The following MYT1L variants were observed in gnomAD, a reference collection of about 807,000 sequenced individuals.
MYT1L encodes myelin transcription factor 1-like protein.
Under a neutral mutation model 126.7 loss-of-function variants are expected in MYT1L, and 12 were observed. The ratio of observed to expected loss-of-function variants is 0.09; its 90% confidence interval spans 0.06 to 0.15. MYT1L has a LOEUF of 0.15. Among genes scored for constraint, MYT1L ranks in the 10% least tolerant of loss-of-function variants. The pLI, the probability that MYT1L is intolerant of heterozygous loss-of-function variation, is 1.00. For missense variants in MYT1L, 979 were observed against 1,585.2 expected (o/e 0.62, Z 6.49); for synonymous variants, 541 against 604.2 (o/e 0.90, Z 1.53).
At chr2:2,149,217 TA>T (rs1427796152) in intron 3 of MYT1L, among the ~76,000 whole-genome samples, 1 of 152,222 alleles carries the variant, frequency 6.6e-6, no homozygotes, top group African/African-American at 2.4e-5. Context: ...CATGTAAAAT[TA>T]TCCTTAGAGA....
intron 8 of MYT1L, among the ~76,000 whole-genome samples, chr2:1,944,258 T>A (rs2056983066): frequency 6.6e-6 from 1 of 151,946 alleles, no homozygotes; most frequent in Admixed American, 6.6e-5. Context: ...CAGGCCCCAG[T>A]GTGTGATTTT....
At chr2:2,104,049 T>C (rs2078439442) in intron 3 of MYT1L, among the ~76,000 whole-genome samples, 1 of 152,234 alleles carries the variant, frequency 6.6e-6, no homozygotes, top group African/African-American at 2.4e-5. Context: ...GAGTTCAGGA[T>C]AGTTGACAAT....
intron 2 of MYT1L, among the ~76,000 whole-genome samples, chr2:2,195,016 C>G (rs180710902): frequency 5.9e-5 from 9 of 152,280 alleles, no homozygotes; most frequent in African/African-American, 1.7e-4. Context: ...AATCTTGTTT[C>G]AGAATAATCC....
chr2:1,925,973 C>T (rs1221814007), intron 9 of MYT1L, among the ~76,000 whole-genome samples: 2 of 152,152 alleles, frequency 1.3e-5, no homozygotes, highest in East Asian at 1.9e-4. Context: ...GCCCCAGAGC[C>T]GACTGCTGGG....
At position 1,800,477 on chromosome 2, in the gene MYT1L, C is replaced by T. The variant is rs545604989; in HGVS notation, c.3276+1219G>A. Among the ~76,000 whole-genome samples the T allele has an allele frequency of 1.6e-4, 24 of 152,322 alleles. 1 individual carries two copies. The South Asian group carries it at 4.8e-3, about 30-fold the overall frequency. The stretch of plus-strand genomic sequence containing the variant: ...AACACCCAGGCAGCAGCCACATGGC[C>T]TGGTGGGGAGTTCCCACCCTTGGCC... On this transcript the variant is annotated intron_variant, in intron 23 of 24. Coordinates refer to ENST00000647738, the MANE Select transcript of MYT1L (RefSeq NM_001303052.2).
chr2:1,927,304 A>G (rs963075661), intron 9 of MYT1L, among the ~76,000 whole-genome samples: 2 of 152,230 alleles, frequency 1.3e-5, no homozygotes, highest in African/African-American at 4.8e-5. Flanking sequence ...TGAGATTTCA[A>G]CACCTCCATG....
intron 18 of MYT1L, among the ~76,000 whole-genome samples, chr2:1,865,065 G>A (rs1033372886): frequency 1.5e-4 from 23 of 152,334 alleles, no homozygotes; most frequent in African/African-American, 5.5e-4. Context: ...GCTCTTGTGG[G>A]GAGGCGGGGG....
chr2:2,071,141 T>C (rs754619610), intron 3 of MYT1L, among the ~76,000 whole-genome samples: 5 of 152,158 alleles, frequency 3.3e-5, no homozygotes, highest in Non-Finnish European at 7.3e-5. Context: ...ATAAAAAATG[T>C]TAATATGTAA....
intron 2 of MYT1L, among the ~76,000 whole-genome samples, chr2:2,178,911 A>G (rs1453078897): frequency 6.6e-6 from 1 of 152,186 alleles, no homozygotes; most frequent in Admixed American, 6.5e-5. Context: ...GAAATCTAAG[A>G]TTTAATTGCA....
chr2:1,895,100 T>C (rs1283961323), intron 14 of MYT1L, among the ~76,000 whole-genome samples: 1 of 152,144 alleles, frequency 6.6e-6, no homozygotes, highest in Non-Finnish European at 1.5e-5. Context: ...GGCAATCCCA[T>C]TCACAGTAGC....
rs537617840 is a variant in MYT1L, at chr2:2,247,588, C to T, written c.-421+36816G>A. On this transcript the variant is annotated intron_variant, in intron 2 of 24. Coordinates refer to ENST00000647738, the MANE Select transcript of MYT1L (RefSeq NM_001303052.2). ...GCTACAGAATACACATTATTTTCTT[C>T]AGCACATGGATCATTCTCAAGGACA... Among the ~76,000 whole-genome samples the T allele has an allele frequency of 5.1e-4, 77 of 152,242 alleles. 1 individual carries two copies. Among genetic ancestry groups the T allele is most frequent in the Middle Eastern group, 3.4e-3 (1 of 294 alleles).
intron 2 of MYT1L, among the ~76,000 whole-genome samples, chr2:2,284,050 G>A (rs928205814): frequency 3.3e-5 from 5 of 152,170 alleles, no homozygotes; most frequent in African/African-American, 4.8e-5. Context: ...AAAACACCAC[G>A]TAAGTATAAC....
At chr2:2,183,901 A>AAGGAAGGAAGGAAGGAGAGAG (rs2091823414) in intron 2 of MYT1L, among the ~76,000 whole-genome samples, 1 of 145,824 alleles carries the variant, frequency 6.9e-6, no homozygotes, top group African/African-American at 2.5e-5. Flanking sequence ...AGGAAGAAAA[A>AAGGAAGGAAGGAAGGAGAGAG]AGGAAGGAAG....
At chr2:1,865,505 A>G (rs1285987634) in intron 18 of MYT1L, among the ~76,000 whole-genome samples, 1 of 152,174 alleles carries the variant, frequency 6.6e-6, no homozygotes, top group African/African-American at 2.4e-5. Flanking sequence ...AGGAAAAATA[A>G]TGCCCATCCG....
intron 9 of MYT1L, among the ~76,000 whole-genome samples, chr2:1,925,101 T>G (rs1209812981): frequency 6.6e-6 from 1 of 152,204 alleles, no homozygotes; most frequent in African/African-American, 2.4e-5. Flanking sequence ...TGATAAGCTA[T>G]GATTTGAAAA....
Position 1,922,337 on chromosome 2 carries a change from T to G in MYT1L, c.1432A>C (p.Arg478=), listed in dbSNP as rs776283772. 5 of 1,614,012 alleles carry G rather than the reference T, an allele frequency of 3.1e-6. No homozygotes were observed. The highest frequency in any genetic ancestry group is 4.2e-6 in the Non-Finnish European group (5 of 1,179,896). ...TGGCTGTCACTGGATTTAGGCTTTC[T>G]GTCCTCCCCGGGAAGTTGTCTCGGA... ...QSPRQLPGED[R]KPKSSDSHVK... The change falls in exon 10 of 25, where the codon AGA becomes CGA. Residue 478 remains arginine (R), a synonymous_variant. Transcript: ENST00000647738. The surrounding 1 kb of genome is among the most constrained non-coding windows in gnomAD (Gnocchi z 7.4).
rs1284781199 is a variant in MYT1L, at chr2:1,791,666, G to A, written c.*201C>T. The A allele has an allele frequency of 2.1e-5, 11 of 528,390 alleles. No homozygotes were observed. Among genetic ancestry groups the A allele is most frequent in the Admixed American group, 3.7e-5 (1 of 26,684 alleles). 32.7% of individuals were successfully genotyped at this position (528,390 alleles called of 1,614,324 possible). On this transcript the variant is annotated 3_prime_UTR_variant, in exon 25 of 25. Coordinates refer to ENST00000647738, the MANE Select transcript of MYT1L (RefSeq NM_001303052.2). This position sits in a 1 kb window ranked among gnomAD's most constrained non-coding sequence, Gnocchi z 6.0. ...ACACTATGTCAGCTTACATGGAAAC[G>A]TACAAAATGTGGGTGTATTCAAAAA...
intron 3 of MYT1L, among the ~76,000 whole-genome samples, chr2:2,151,883 G>A (rs987859675): frequency 2.6e-5 from 4 of 152,030 alleles, no homozygotes; most frequent in South Asian, 4.2e-4. Context: ...AATGAAACCC[G>A]GTCTCTACTA....
intron 4 of MYT1L, among the ~76,000 whole-genome samples, chr2:2,009,963 T>C (rs1347884170): frequency 6.6e-6 from 1 of 151,512 alleles, no homozygotes; most frequent in East Asian, 1.9e-4. Flanking sequence ...TCTGTGTCAG[T>C]TGAGATGATC....
Sources: gnomAD v4.1 joint callset for allele counts (sites outside exome capture counted in the v4.1 genomes callset) on GRCh38, gnomAD v4.1.1 for gene constraint, Gnocchi (gnomAD v3.1) non-coding constraint, MANE v1.5 for transcripts, NCBI Gene and HGNC (gene_info 2026-07-23, HGNC 2026-07-21) for gene names.